The following SLC66A1 variants were observed in gnomAD, a reference collection of about 807,000 sequenced individuals.
The protein encoded by SLC66A1 is solute carrier family 66 member 1, also known as lysosomal amino acid transporter 1 homolog.
Under a neutral mutation model 33.0 loss-of-function variants are expected in SLC66A1, and 23 were observed. The ratio of observed to expected loss-of-function variants is 0.70; its 90% confidence interval spans 0.50 to 0.99. The LOEUF (loss-of-function observed/expected upper bound fraction) is 0.99. Among genes scored for constraint, SLC66A1 ranks in the 50% least tolerant of loss-of-function variants. The pLI is 0.00. For synonymous variants in SLC66A1, 164 were observed against 175.5 expected, an observed-to-expected ratio of 0.93 and a Z score of 0.52; for missense variants, 335 against 383.6, an observed-to-expected ratio of 0.87 and a Z score of 1.06.
At chr1:19,324,839 G>C in intron 3 of SLC66A1, 77 bp downstream of exon 3, 1 of 1,550,814 alleles carries the variant, frequency 6.4e-7, no homozygotes, top group Non-Finnish European at 8.7e-7. Flanking sequence ...GAGATGCCAG[G>C]CTCTTTGGCC....
Position 19,322,454 on chromosome 1 carries a change from G to A in SLC66A1, c.165-2179G>A, listed in dbSNP as rs556444092. Reference sequence around the variant, plus strand: ...TTCCTGCAATTGATGAAGACAAGTCGAGTCATAGCATCTTAGGAGGAGCTT... The same window carrying A: ...TTCCTGCAATTGATGAAGACAAGTCAAGTCATAGCATCTTAGGAGGAGCTT... On this transcript the variant is annotated intron_variant, in intron 2 of 7. Transcript: ENST00000375153. 2.5e-4 allele frequency among the ~76,000 whole-genome samples: 38 copies of A among 152,248 alleles called. 1 individual carries two copies. Among genetic ancestry groups the A allele is most frequent in the African/African-American group, 8.7e-4 (36 of 41,536 alleles).
chr1:19,332,098 C>G (rs189996589), downstream of SLC66A1, among the ~76,000 whole-genome samples: 33 of 152,320 alleles, frequency 2.2e-4, no homozygotes, highest in East Asian at 3.7e-3. Context: ...CATTCCAGCG[C>G]CCCAAGGAGG....
At chr1:19,331,252 T>C (rs182099820), downstream of SLC66A1, among the ~76,000 whole-genome samples, 279 of 152,320 alleles carry the variant, frequency 1.8e-3, no homozygotes, top group Admixed American at 3.7e-3. Flanking sequence ...CCTCAGGTGA[T>C]CTGCTTGCCT....
In SLC66A1 at chr1:19,317,755, G is replaced by A. The variant is rs778851915; in HGVS notation, c.78G>A (p.Leu26=). ...CCATCCAGTGGATATGGGATGTGTT[G>A]GGTGAATGTGCCCAGGACGGCTGGG... ...SGSIQWIWDV[L]GECAQDGWDE... The change falls in exon 2 of 8, where the codon TTG becomes TTA. Residue 26 remains leucine (L), a synonymous_variant. Coordinates refer to ENST00000375153, the MANE Select transcript of SLC66A1 (RefSeq NM_001040125.2). 1.2e-6 allele frequency: 2 copies of A among 1,614,184 alleles called. No individual in the cohort carries two copies.
At chr1:19,331,042 TG>T (rs2093891010), downstream of SLC66A1, among the ~76,000 whole-genome samples, 1 of 152,212 alleles carries the variant, frequency 6.6e-6, no homozygotes, top group Admixed American at 6.5e-5. Flanking sequence ...CACAGAGTCT[TG>T]CTCTGCCGCC....
chr1:19,325,647 G>GC, intron 4 of SLC66A1, 65 bp downstream of exon 4: 1 of 1,190,476 alleles, frequency 8.4e-7, no homozygotes, highest in Non-Finnish European at 1.2e-6. Context: ...GTGGGGGGGG[G>GC]CGCCTGGAGT....
At chr1:19,327,938 G>C (rs796084566) in intron 7 of SLC66A1, 15 of 264,078 alleles carry the variant, frequency 5.7e-5, no homozygotes, top group African/African-American at 3.3e-4. Context: ...TCAAATCCTG[G>C]CTCCTCCCCT....
At position 19,326,901 on chromosome 1, in the gene SLC66A1, C is replaced by T. The variant is rs76968040; in HGVS notation, c.618+278C>T. On this transcript the variant is annotated intron_variant, in intron 6 of 7. Transcript: ENST00000375153. ...GAAGGTGAGGGGCTGAGCTTGGAGG[C>T]CTGAGGGGAGAGGAGAAGCTGGGGA... Among the ~76,000 whole-genome samples the T allele has an allele frequency of 0.023, 3,531 of 152,110 alleles. 138 individuals are homozygous for T. The highest frequency in any genetic ancestry group is 0.08 in the African/African-American group (3,315 of 41,434).
Position 19,328,715 on chromosome 1 carries a change from T to C in SLC66A1, c.*72T>C. ...ACCAGGCAGGAGGAGGTGTGGACAG[T>C]GATGGTACGGCGGCCCTGCATCAGC... On this transcript the variant is annotated 3_prime_UTR_variant, in exon 8 of 8. Coordinates refer to ENST00000375153, the MANE Select transcript of SLC66A1 (RefSeq NM_001040125.2). The surrounding 1 kb of genome is among the most constrained non-coding windows in gnomAD (Gnocchi z 4.7). The C allele has an allele frequency of 6.6e-7, 1 of 1,525,110 alleles. No individual in the cohort carries two copies. Among genetic ancestry groups the C allele is most frequent in the Non-Finnish European group, 9.0e-7 (1 of 1,112,908 alleles). The allele number at this position is 1,525,110 out of a possible 1,614,324, so 94.5% of individuals were successfully genotyped here. A position where few individuals can be genotyped will look rare whatever the true frequency, so the allele number is the denominator to read the frequency against.
rs1324233993 is a variant in SLC66A1, at chr1:19,319,614, T to TTGTTTTTTTTTTTGTTTTTTTTTTTG, written c.164+1774_164+1775insGTTTTTTTTTTTGTTTTTTTTTTTGT. Reference sequence around the variant, plus strand: ...TGCTGTGCACATTCATGTTTTTTTTTTTTTTTTGCCTGGTGCAGTGGCTCA... The same window carrying TTGTTTTTTTTTTTGTTTTTTTTTTTG: ...TGCTGTGCACATTCATGTTTTTTTTTTGTTTTTTTTTTTGTTTTTTTTTTTGTTTTTTTGCCTGGTGCAGTGGCTCA... On this transcript the variant is annotated intron_variant, in intron 2 of 7. Transcript: ENST00000375153. 3.4e-4 allele frequency among the ~76,000 whole-genome samples: 51 copies of TTGTTTTTTTTTTTGTTTTTTTTTTTG among 148,644 alleles called. 2 individuals are homozygous for TTGTTTTTTTTTTTGTTTTTTTTTTTG. The highest frequency in any genetic ancestry group is 3.4e-3 in the Middle Eastern group (1 of 292).
chr1:19,318,895 G>A (rs2093819361), intron 2 of SLC66A1, among the ~76,000 whole-genome samples: 1 of 152,182 alleles, frequency 6.6e-6, no homozygotes, highest in South Asian at 2.1e-4. Flanking sequence ...AGAGCCAGGG[G>A]CTGAGTGTGG....
Position 19,317,848 on chromosome 1 carries a change from A to G in SLC66A1, c.164+7A>G, listed in dbSNP as rs1156989062. Reference sequence around the variant, plus strand: ...TTGCTGCATCTACCTTCCCGTGAGTAGTGTCTTGGTGGCAGGACCAGGGCA... The same window carrying G: ...TTGCTGCATCTACCTTCCCGTGAGTGGTGTCTTGGTGGCAGGACCAGGGCA... On this transcript the variant is annotated splice_region_variant and intron_variant, in intron 2 of 7. Transcript: ENST00000375153. The G allele has an allele frequency of 1.2e-6, 2 of 1,612,278 alleles. No homozygotes were observed. Among genetic ancestry groups the G allele is most frequent in the African/African-American group, 1.3e-5 (1 of 74,954 alleles).
chr1:19,314,415 A>C (rs1226643363), intron 1 of SLC66A1, among the ~76,000 whole-genome samples: 5 of 150,892 alleles, frequency 3.3e-5, no homozygotes, highest in Admixed American at 3.3e-4. Flanking sequence ...AAACCAAGGT[A>C]CCTTCCTCGA....
chr1:19,323,809 A>C (rs1174146342), intron 2 of SLC66A1, among the ~76,000 whole-genome samples: 2 of 152,218 alleles, frequency 1.3e-5, no homozygotes, highest in African/African-American at 4.8e-5. Flanking sequence ...GTTAAGAGCA[A>C]GACCGGAGGC....
At chr1:19,329,601 C>T (rs1205998761), downstream of SLC66A1, among the ~76,000 whole-genome samples, 1 of 152,222 alleles carries the variant, frequency 6.6e-6, no homozygotes, top group Non-Finnish European at 1.5e-5. Context: ...CTGGGTTCTC[C>T]ATCGCAGTTC....
At chr1:19,323,594 A>G (rs2152008950) in intron 2 of SLC66A1, among the ~76,000 whole-genome samples, 1 of 152,018 alleles carries the variant, frequency 6.6e-6, no homozygotes, top group Middle Eastern at 3.4e-3. Context: ...TTTGGTAGAG[A>G]TGGGGTTTCA....
rs574442710 is a variant in SLC66A1, at chr1:19,319,829, C to T, written c.164+1988C>T. ...GAGGCAGGGGAATTGCTTGAGCCCA[C>T]CAGGCAGAGGCTGCAGTGAGCCAGG... On this transcript the variant is annotated intron_variant, in intron 2 of 7. Coordinates refer to ENST00000375153, the MANE Select transcript of SLC66A1 (RefSeq NM_001040125.2). Among the ~76,000 whole-genome samples, 37 of 150,890 alleles carry T rather than the reference C, an allele frequency of 2.5e-4. No homozygotes were observed. The East Asian group carries it at 4.8e-3, about 20-fold the overall frequency.
chr1:19,313,211 G>C (rs1042678574), intron 1 of SLC66A1: 2 of 985,346 alleles, frequency 2.0e-6, no homozygotes, highest in South Asian at 9.4e-5. Context: ...GGTAGGCATC[G>C]GGCAGGTCTG....
Position 19,325,478 on chromosome 1 carries a change from C to G in SLC66A1, c.295-17C>G. 1 of 1,570,404 alleles carries G rather than the reference C, an allele frequency of 6.4e-7. No individual in the cohort carries two copies. The highest frequency in any genetic ancestry group is 1.1e-5 in the South Asian group (1 of 90,104). ...CTGGGACTGCGCCAACCCCTGGGCC[C>G]CCTGCATCTCTTACAGACCTACACG... is the stretch of plus-strand genomic sequence containing the variant. On this transcript the variant is annotated splice_polypyrimidine_tract_variant and intron_variant, in intron 3 of 7. Coordinates refer to ENST00000375153, the MANE Select transcript of SLC66A1 (RefSeq NM_001040125.2).
Sources: gnomAD v4.1 joint callset for allele counts (sites outside exome capture counted in the v4.1 genomes callset) on GRCh38, gnomAD v4.1.1 for gene constraint, Gnocchi (gnomAD v3.1) non-coding constraint, MANE v1.5 for transcripts, NCBI Gene and HGNC (gene_info 2026-07-23, HGNC 2026-07-21) for gene names.